ST8SIA1: variants seen among roughly 807,000 people sequenced by gnomAD.
The protein encoded by ST8SIA1 is alpha-N-acetylneuraminide alpha-2,8-sialyltransferase.
In ST8SIA1, 16 loss-of-function variants were observed where a neutral mutation model predicts 35.9. The observed-to-expected ratio is 0.45, with a 90% CI of 0.30 to 0.68. The LOEUF is 0.68. Among genes scored for constraint, ST8SIA1 ranks in the 30% least tolerant of loss-of-function variants. The pLI is 0.09. For missense variants in ST8SIA1, 383 were observed against 453.6 expected (o/e 0.84, Z 1.41); for synonymous variants, 170 against 169.6 (o/e 1.00, Z -0.02).
intron 1 of ST8SIA1, among the ~76,000 whole-genome samples, chr12:22,316,073 G>C (rs994593192): frequency 6.6e-6 from 1 of 151,974 alleles, no homozygotes. Flanking sequence ...AAATATACAA[G>C]TAAATATTCT....
chr12:22,324,418 C>G (rs1474168238), intron 1 of ST8SIA1: 2 of 152,068 alleles, frequency 1.3e-5, no homozygotes, highest in South Asian at 4.1e-4. Flanking sequence ...TGAGAAATTA[C>G]AACATAAATA....
intron 4 of ST8SIA1, among the ~76,000 whole-genome samples, chr12:22,242,231 T>C (rs867318824): frequency 4.6e-5 from 7 of 152,312 alleles, no homozygotes; most frequent in Middle Eastern, 6.8e-3. Context: ...CCATACTGTA[T>C]ATGTTGAATA....
At chr12:22,221,993 C>T (rs1276239640) in intron 4 of ST8SIA1, among the ~76,000 whole-genome samples, 2 of 152,028 alleles carry the variant, frequency 1.3e-5, no homozygotes, top group Admixed American at 6.6e-5. Flanking sequence ...GTTAAAAAAA[C>T]TGCACAATAC....
At chr12:22,320,842 A>G (rs1866577481) in intron 1 of ST8SIA1, among the ~76,000 whole-genome samples, 1 of 149,764 alleles carries the variant, frequency 6.7e-6, no homozygotes, top group Non-Finnish European at 1.5e-5. Context: ...AAAAGAAAAG[A>G]AAGAGAGAGA....
chr12:22,272,614 A>ATCCCTG (rs1321572360), intron 2 of ST8SIA1, among the ~76,000 whole-genome samples: 9 of 152,262 alleles, frequency 5.9e-5, no homozygotes, highest in Non-Finnish European at 1.2e-4. Flanking sequence ...CAGTATGTCA[A>ATCCCTG]TTTCAAAGAT....
At chr12:22,264,633 A>G (rs917768667) in intron 2 of ST8SIA1, among the ~76,000 whole-genome samples, 48 of 148,528 alleles carry the variant, frequency 3.2e-4, no homozygotes, top group South Asian at 4.2e-4. Context: ...TATTTCAGAG[A>G]AAAAAAACTT....
chr12:22,249,227 T>G lies in ST8SIA1; in HGVS notation c.492-129A>C, dbSNP rs148102702. On this transcript the variant is annotated intron_variant, in intron 3 of 4. Coordinates refer to ENST00000396037, the MANE Select transcript of ST8SIA1 (RefSeq NM_003034.4). Reference sequence around the variant, plus strand: ...GTAACTGTTTTGTTTTTTGTTTTTTTTTTTTTTTTGAGATGGAGTCTCGCT... The same window carrying G: ...GTAACTGTTTTGTTTTTTGTTTTTTGTTTTTTTTTGAGATGGAGTCTCGCT... 2,684 of 666,236 alleles carry G rather than the reference T, an allele frequency of 4.0e-3. 73 individuals are homozygous for G. The African/African-American group carries it at 0.043, about 11-fold the overall frequency. The allele number at this position is 666,236 out of a possible 1,614,324, so 41.3% of individuals were successfully genotyped here.
intron 4 of ST8SIA1, among the ~76,000 whole-genome samples, chr12:22,219,592 C>T (rs1591826865): frequency 6.6e-6 from 1 of 152,148 alleles, no homozygotes; most frequent in African/African-American, 2.4e-5. Flanking sequence ...TTGTCTACCA[C>T]AAGCCACAAG....
At chr12:22,213,300 C>T (rs973630089) in intron 4 of ST8SIA1, among the ~76,000 whole-genome samples, 3 of 152,170 alleles carry the variant, frequency 2.0e-5, no homozygotes, top group Non-Finnish European at 2.9e-5. Context: ...AATTCTTTCT[C>T]TACTATAATA....
In ST8SIA1 at chr12:22,334,478, C is replaced by A; in HGVS notation, c.-246G>T. 1 of 559,036 alleles carries A rather than the reference C, an allele frequency of 1.8e-6. No homozygotes were observed. The highest frequency in any genetic ancestry group is 3.2e-6 in the Non-Finnish European group (1 of 313,008). 34.6% of individuals were successfully genotyped at this position (559,036 alleles called of 1,614,324 possible). On this transcript the variant is annotated 5_prime_UTR_variant, in exon 1 of 5. Coordinates refer to ENST00000396037, the MANE Select transcript of ST8SIA1 (RefSeq NM_003034.4). ...CTGGGGGTGAAGTCACGATCTATGG[C>A]CATGGTCGCTTCCCCTGCAGAAGGC...
At chr12:22,253,845 A>T (rs1865699666) in intron 3 of ST8SIA1, among the ~76,000 whole-genome samples, 1 of 152,180 alleles carries the variant, frequency 6.6e-6, no homozygotes, top group Non-Finnish European at 1.5e-5. Context: ...CAAGTGAGAA[A>T]AAAAAATGTC....
At position 22,293,712 on chromosome 12, in the gene ST8SIA1, G is replaced by T. The variant is rs576900925; in HGVS notation, c.237-6419C>A. On this transcript the variant is annotated intron_variant, in intron 1 of 4. Transcript: ENST00000396037. ...TAATAGTTAGAGACAATACAACTTTGTTTGCTTCACACAATATCAGTTTAT... is the reference window on the plus strand; with the variant it reads ...TAATAGTTAGAGACAATACAACTTTTTTTGCTTCACACAATATCAGTTTAT... Among the ~76,000 whole-genome samples the T allele has an allele frequency of 1.3e-4, 20 of 152,226 alleles. No homozygotes were observed. The South Asian group carries it at 1.7e-3, about 13-fold the overall frequency.
At chr12:22,224,899 T>C (rs962595679) in intron 4 of ST8SIA1, among the ~76,000 whole-genome samples, 1 of 152,132 alleles carries the variant, frequency 6.6e-6, no homozygotes, top group South Asian at 2.1e-4. Context: ...GATATAATAG[T>C]TAAGTTAAAA....
chr12:22,312,721 A>T (rs1315365555), intron 1 of ST8SIA1, among the ~76,000 whole-genome samples: 1 of 151,600 alleles, frequency 6.6e-6, no homozygotes, highest in African/African-American at 2.4e-5. Context: ...ATGAAAAAAA[A>T]AAAAAAACAA....
intron 1 of ST8SIA1, among the ~76,000 whole-genome samples, chr12:22,323,862 G>A (rs773573884): frequency 6.6e-6 from 1 of 152,096 alleles, no homozygotes; most frequent in Non-Finnish European, 1.5e-5. Context: ...GTTGGGGTGA[G>A]GGAAGAAAGA....
intron 2 of ST8SIA1, among the ~76,000 whole-genome samples, chr12:22,262,475 C>T (rs1303790474): frequency 1.3e-5 from 2 of 152,170 alleles, no homozygotes; most frequent in African/African-American, 4.8e-5. Context: ...TGACCTCCAC[C>T]ACTGGCACAA....
chr12:22,223,690 G>C, intron 4 of ST8SIA1: 1 of 1,222,814 alleles, frequency 8.2e-7, no homozygotes, highest in Non-Finnish European at 1.0e-6. Context: ...TGCTGGAGAC[G>C]TTCTGTCATT....
intron 4 of ST8SIA1, among the ~76,000 whole-genome samples, chr12:22,219,129 A>C (rs1021657071): frequency 6.6e-6 from 1 of 152,146 alleles, no homozygotes; most frequent in African/African-American, 2.4e-5. Flanking sequence ...GAAAGCTTTA[A>C]TATATTACAT....
intron 4 of ST8SIA1, among the ~76,000 whole-genome samples, chr12:22,210,071 C>A (rs1341118203): frequency 6.6e-6 from 1 of 152,074 alleles, no homozygotes; most frequent in Non-Finnish European, 1.5e-5. Context: ...TATGTTATAT[C>A]CATATTATGA....
Sources: allele counts gnomAD v4.1 joint callset (sites outside exome capture counted in the v4.1 genomes callset), GRCh38; gene constraint gnomAD v4.1.1; transcripts MANE v1.5; gene names NCBI Gene and HGNC (gene_info 2026-07-23, HGNC 2026-07-21).